SLC16A12: variants seen among roughly 807,000 people sequenced by gnomAD.
SLC16A12 encodes monocarboxylate transporter 12.
Under a neutral mutation model 42.4 loss-of-function variants are expected in SLC16A12, and 17 were observed. The observed-to-expected ratio is 0.40, with a 90% CI of 0.27 to 0.60. The LOEUF is 0.60. Ranked by LOEUF, SLC16A12 falls within the 20% of genes least tolerant of loss-of-function variation. The pLI, the probability that SLC16A12 is intolerant of heterozygous loss-of-function variation, is 0.42. For missense variants in SLC16A12, 544 were observed against 623.0 expected (o/e 0.87, Z 1.35); for synonymous variants, 224 against 229.4 (o/e 0.98, Z 0.21).
intron 3 of SLC16A12, chr10:89,456,165 G>A (rs1842186212): frequency 6.6e-6 from 1 of 152,136 alleles, no homozygotes; most frequent in African/African-American, 2.4e-5. Context: ...TGGGACCTTG[G>A]ACATGTTCTT....
chr10:89,504,835 A>G (rs1843035736), intron 2 of SLC16A12, among the ~76,000 whole-genome samples: 1 of 152,188 alleles, frequency 6.6e-6, no homozygotes, highest in African/African-American at 2.4e-5. Flanking sequence ...ACTGCCAACA[A>G]GCCCTGGTTC....
At chr10:89,510,547 G>C (rs1333084003) in intron 2 of SLC16A12, among the ~76,000 whole-genome samples, 1 of 152,178 alleles carries the variant, frequency 6.6e-6, no homozygotes, top group African/African-American at 2.4e-5. Context: ...AGTTGAACCT[G>C]GATCCGTTCC....
intron 2 of SLC16A12, among the ~76,000 whole-genome samples, chr10:89,518,349 G>A (rs1256095814): frequency 6.6e-6 from 1 of 152,174 alleles, no homozygotes; most frequent in Non-Finnish European, 1.5e-5. Flanking sequence ...CATGCCACAA[G>A]CCTCACCGAG....
intron 2 of SLC16A12, among the ~76,000 whole-genome samples, chr10:89,490,818 CTGAAAG>C (rs1196682772): frequency 2.0e-5 from 3 of 152,142 alleles, no homozygotes. Flanking sequence ...GGAGCAGTTG[CTGAAAG>C]TCCAACCCTT....
chr10:89,449,081 C>T (rs967661622), intron 3 of SLC16A12, among the ~76,000 whole-genome samples: 1 of 152,176 alleles, frequency 6.6e-6, no homozygotes, highest in African/African-American at 2.4e-5. Context: ...GGGAAAACTA[C>T]AAACCACTGC....
At chr10:89,471,546 G>A (rs1410220990) in intron 2 of SLC16A12, among the ~76,000 whole-genome samples, 2 of 152,092 alleles carry the variant, frequency 1.3e-5, no homozygotes, top group Non-Finnish European at 2.9e-5. Context: ...GTTGATAATT[G>A]TTACAGCTGT....
At chr10:89,498,036 G>A (rs1030155101) in intron 2 of SLC16A12, among the ~76,000 whole-genome samples, 9 of 152,200 alleles carry the variant, frequency 5.9e-5, no homozygotes, top group East Asian at 5.8e-4. Flanking sequence ...GGGGCCAGGC[G>A]CGGTGGCTCA....
chr10:89,472,487 C>CTTTTTTTTTTTTTTTTTTTTTTTTT (rs71022567), intron 2 of SLC16A12, among the ~76,000 whole-genome samples: 9 of 89,894 alleles, frequency 1.0e-4, no homozygotes, highest in South Asian at 4.0e-4. Flanking sequence ...TCTTTTCTTT[C>CTTTTTTTTTTTTTTTTTTTTTTTTT]TTTTTTTTTT....
At chr10:89,517,697 C>T (rs191079655) in intron 2 of SLC16A12, among the ~76,000 whole-genome samples, 5 of 152,154 alleles carry the variant, frequency 3.3e-5, no homozygotes, top group East Asian at 1.9e-4. Context: ...GAAACAGGGG[C>T]GGTTGGGCAG....
At chr10:89,545,758 A>T (rs1009880258) in intron 2 of SLC16A12, among the ~76,000 whole-genome samples, 3 of 152,232 alleles carry the variant, frequency 2.0e-5, no homozygotes, top group Admixed American at 2.0e-4. Context: ...AGCCAAGACA[A>T]TCATAAGCAA....
intron 2 of SLC16A12, among the ~76,000 whole-genome samples, chr10:89,470,629 G>C (rs987860795): frequency 6.6e-6 from 1 of 152,226 alleles, no homozygotes; most frequent in East Asian, 1.9e-4. Context: ...TGCTAAGCCA[G>C]ATGGAAATCA....
At chr10:89,456,517 CT>C (rs61376432) in intron 3 of SLC16A12, among the ~76,000 whole-genome samples, 47 of 150,852 alleles carry the variant, frequency 3.1e-4, no homozygotes, top group African/African-American at 9.0e-4. Flanking sequence ...AAGTATGATT[CT>C]TTTTTTTTCA....
chr10:89,476,271 A>G (rs1842577233), intron 2 of SLC16A12, among the ~76,000 whole-genome samples: 2 of 152,172 alleles, frequency 1.3e-5, no homozygotes, highest in South Asian at 2.1e-4. Flanking sequence ...CAGAGAGCCT[A>G]TTATTGAGAA....
chr10:89,523,246 T>A (rs1417810845), intron 2 of SLC16A12, among the ~76,000 whole-genome samples: 1 of 152,188 alleles, frequency 6.6e-6, no homozygotes, highest in African/African-American at 2.4e-5. Context: ...CCTTCAGCCT[T>A]ACCACCCTTT....
chr10:89,532,735 G>C (rs970030617), intron 2 of SLC16A12, among the ~76,000 whole-genome samples: 1 of 152,278 alleles, frequency 6.6e-6, no homozygotes, highest in Admixed American at 6.5e-5. Context: ...AAACATGCCT[G>C]AGCTTGCAAA....
At chr10:89,547,358 G>A (rs1843747855) in intron 2 of SLC16A12, among the ~76,000 whole-genome samples, 1 of 152,152 alleles carries the variant, frequency 6.6e-6, no homozygotes, top group South Asian at 2.1e-4. Flanking sequence ...TGTGTTTAAT[G>A]AGCCAATTTA....
chr10:89,497,997 C>T (rs303183), intron 2 of SLC16A12, among the ~76,000 whole-genome samples: 33,352 of 152,116 alleles, frequency 0.22, 4,452 homozygotes, highest in Non-Finnish European at 0.31. Context: ...CAATTCTTAT[C>T]TTTATAACTA....
intron 2 of SLC16A12, among the ~76,000 whole-genome samples, chr10:89,551,240 G>A (rs577310709): frequency 1.3e-5 from 2 of 152,196 alleles, no homozygotes; most frequent in Middle Eastern, 3.4e-3. Flanking sequence ...TCAGGAGTTC[G>A]AGACCAGCCT....
intron 2 of SLC16A12, among the ~76,000 whole-genome samples, chr10:89,485,898 A>T (rs1201532080): frequency 1.3e-5 from 2 of 152,228 alleles, no homozygotes; most frequent in Non-Finnish European, 2.9e-5. Context: ...CTGTGACTGT[A>T]CTAAGCCTAA....
Sources: allele counts gnomAD v4.1 joint callset (sites outside exome capture counted in the v4.1 genomes callset), GRCh38; gene constraint gnomAD v4.1.1; transcripts MANE v1.5; gene names NCBI Gene and HGNC (gene_info 2026-07-23, HGNC 2026-07-21).